The following BAP1 variants were observed in gnomAD, a reference collection of about 807,000 sequenced individuals.
The protein encoded by BAP1 is BRCA1 associated deubiquitinase 1, also known as ubiquitin carboxyl-terminal hydrolase BAP1.
In BAP1, 16 loss-of-function variants were observed where a neutral mutation model predicts 77.2. The observed-to-expected ratio is 0.21, with a 90% CI of 0.14 to 0.31. BAP1 has a LOEUF of 0.31. Among genes scored for constraint, BAP1 ranks in the 10% least tolerant of loss-of-function variants. The probability of loss-of-function intolerance (pLI) is 1.00; values close to 1 mark genes in which losing one functional copy is unlikely to be tolerated. For synonymous variants in BAP1, 362 were observed against 385.2 expected (o/e 0.94, Z 0.71); for missense variants, 699 against 967.3 (o/e 0.72, Z 3.68).
In BAP1 at chr3:52,403,880, C is replaced by G; in HGVS notation, c.1265G>C (p.Gly422Ala). Residue 422 changes from glycine (G) to alanine (A), a missense_variant, in exon 13 of 17, where the codon GGA becomes GCA. Around this residue, in one of 3 missense-constraint regions of BAP1, gnomAD observed 475 missense variants for 532.4 expected, o/e 0.89. Transcript: ENST00000460680. This position sits in a 1 kb window ranked among gnomAD's most constrained non-coding sequence, Gnocchi z 4.0. ...TNSALRYKGK[G>A]TGKPGALSGS... ...GCTCAATGCCCCTGGCTTCCCTGTT[C>G]CCTTCCCCTTATACCTGTGGGGCCC... is the stretch of plus-strand genomic sequence containing the variant. The G allele has an allele frequency of 6.2e-7, 1 of 1,614,086 alleles. No individual in the cohort carries two copies. The highest frequency in any genetic ancestry group is 8.5e-7 in the Non-Finnish European group (1 of 1,180,028).
chr3:52,409,775 G>A (rs565532102), intron 1 of BAP1, 32 bp from the exon 2 acceptor site: 3 of 1,613,486 alleles, frequency 1.9e-6, no homozygotes, highest in South Asian at 1.1e-5. Flanking sequence ...GGGGGTGATG[G>A]TCAGGCAGGC....
rs754425236 is a variant in BAP1 at position 52,402,694 on chromosome 3, TGA to T, written c.1984-22_1984-21del. On this transcript the variant is annotated intron_variant, in intron 15 of 16. Transcript: ENST00000460680. The surrounding 1 kb of genome is among the most constrained non-coding windows in gnomAD (Gnocchi z 5.3). The stretch of plus-strand genomic sequence containing the variant: ...ATCAATCTGTAGGAGAGAAGAAGAC[TGA>T]GAGCACTGGAGCCAATCTTGCCAGA... The T allele has an allele frequency of 8.1e-6, 13 of 1,613,962 alleles. No homozygotes were observed. In the Admixed American group the frequency reaches 1.0e-4, roughly 12 times the overall value.
At chr3:52,408,413 C>T (rs755138506) in intron 4 of BAP1, 61 bp downstream of exon 4, 1 of 1,590,082 alleles carries the variant, frequency 6.3e-7, no homozygotes, top group Non-Finnish European at 8.6e-7. Context: ...TCCATTTCCA[C>T]TTCCCAAGCA....
intron 12 of BAP1, among the ~76,000 whole-genome samples, chr3:52,404,112 C>T (rs1705068373): frequency 6.6e-6 from 1 of 152,226 alleles, no homozygotes; most frequent in African/African-American, 2.4e-5. Flanking sequence ...TTCCAGCCAT[C>T]CCACTCCTGG....
In BAP1 at chr3:52,403,516, G is replaced by A. The variant is rs747971455; in HGVS notation, c.1629C>T (p.Cys543=). ...GEDDSLLRVD[C]IRYNRAVRDL... ...CACGGACAGCACGGTTGTAGCGTAT[G>A]CAGTCAACACGCAGCAGGCTGTCAT... Residue 543 remains cysteine (C), a synonymous_variant, in exon 13 of 17, where the codon TGC becomes TGT. Coordinates refer to ENST00000460680, the MANE Select transcript of BAP1 (RefSeq NM_004656.4). The surrounding 1 kb of genome is among the most constrained non-coding windows in gnomAD (Gnocchi z 4.0). 2.5e-5 allele frequency: 40 copies of A among 1,614,060 alleles called. No individual in the cohort carries two copies. The South Asian group carries it at 4.1e-4, about 16-fold the overall frequency.
rs370802797 is a variant in BAP1 at position 52,404,627 on chromosome 3, G to C, written c.1117-41C>G. 55 of 1,596,002 alleles carry C rather than the reference G, an allele frequency of 3.4e-5. 1 individual carries two copies. The Middle Eastern group carries it at 1.2e-3, about 34-fold the overall frequency. ...GGGCAGTTACAAACAAGTGCTGCTC[G>C]GCCCAGGCTGAGCCTAGACACTCAC... is the stretch of plus-strand genomic sequence containing the variant. On this transcript the variant is annotated intron_variant, in intron 11 of 16. Coordinates refer to ENST00000460680, the MANE Select transcript of BAP1 (RefSeq NM_004656.4).
chr3:52,405,653 A>C, intron 10 of BAP1, 112 bp downstream of exon 10: 3 of 1,501,442 alleles, frequency 2.0e-6, no homozygotes, highest in Non-Finnish European at 2.7e-6. Context: ...TGACGGGGGA[A>C]GAACACTGCC....
At position 52,409,956 on chromosome 3, in the gene BAP1, C is replaced by T. The variant is rs946441698; in HGVS notation, c.-78G>A. On this transcript the variant is annotated 5_prime_UTR_variant, in exon 1 of 17. Transcript: ENST00000460680. ...CTGCCCCCACCGGGAGCCCCCACCG[C>T]CCCCGGGGCCCCTCAGTCCCACACA... The T allele has an allele frequency of 7.1e-6, 11 of 1,545,196 alleles. No homozygotes were observed. The highest frequency in any genetic ancestry group is 2.7e-5 in the African/African-American group (2 of 73,570).
In BAP1 at chr3:52,406,684, A is replaced by C; in HGVS notation, c.659+145T>G. 4 of 1,078,836 alleles carry C rather than the reference A, an allele frequency of 3.7e-6. No homozygotes were observed. In the Admixed American group the frequency reaches 8.2e-5, roughly 22 times the overall value. 66.8% of individuals were successfully genotyped at this position (1,078,836 alleles called of 1,614,324 possible). A position where few individuals can be genotyped will look rare whatever the true frequency, so the allele number is the denominator to read the frequency against. On this transcript the variant is annotated intron_variant, in intron 8 of 16. Coordinates refer to ENST00000460680, the MANE Select transcript of BAP1 (RefSeq NM_004656.4). The surrounding 1 kb of genome is among the most constrained non-coding windows in gnomAD (Gnocchi z 4.6). Reference sequence around the variant, plus strand: ...GGCAGCCCAGGCAGGAAATAAGACAACAAGTTGAGAACCCATGATCTAAGC... The same window carrying C: ...GGCAGCCCAGGCAGGAAATAAGACACCAAGTTGAGAACCCATGATCTAAGC...
chr3:52,401,421 A>T lies in BAP1; in HGVS notation c.*867T>A, dbSNP rs1249962541. On this transcript the variant is annotated 3_prime_UTR_variant, in exon 17 of 17. Transcript: ENST00000460680. ...CTACCCCTGAGAGGGAGACATGGTAATACTGAGGGGCTGGACAGAGGCTCT... is the reference window on the plus strand; with the variant it reads ...CTACCCCTGAGAGGGAGACATGGTATTACTGAGGGGCTGGACAGAGGCTCT... 1 of 233,468 alleles carries T rather than the reference A, an allele frequency of 4.3e-6. No individual in the cohort carries two copies. The highest frequency in any genetic ancestry group is 8.5e-6 in the Non-Finnish European group (1 of 117,980). The allele number at this position is 233,468 out of a possible 1,614,324, so 14.5% of individuals were successfully genotyped here.
At chr3:52,404,645 ACACT>A (rs1185040366) in intron 11 of BAP1, 59 bp from the exon 12 acceptor site, 5 of 1,576,086 alleles carry the variant, frequency 3.2e-6, no homozygotes, top group Non-Finnish European at 4.3e-6. Flanking sequence ...CTGAGCCTAG[ACACT>A]CACAGCCAGA....
rs1418845673 is a variant in BAP1 at position 52,403,780 on chromosome 3, G to A, written c.1365C>T (p.Ser455=). The A allele has an allele frequency of 3.7e-6, 6 of 1,614,072 alleles. No homozygotes were observed. The highest frequency in any genetic ancestry group is 5.1e-6 in the Non-Finnish European group (6 of 1,180,020). ...ACAGAGGAATTGAGAGGTCCTTCTGGGACTCTTTGAGCTTCTCAGCCAAGA... is the reference window on the plus strand; with the variant it reads ...ACAGAGGAATTGAGAGGTCCTTCTGAGACTCTTTGAGCTTCTCAGCCAAGA... ...INVLAEKLKE[S]QKDLSIPLSI... The change falls in exon 13 of 17, where the codon TCC becomes TCT. Residue 455 remains serine, a synonymous_variant. Coordinates refer to ENST00000460680, the MANE Select transcript of BAP1 (RefSeq NM_004656.4). This position sits in a 1 kb window ranked among gnomAD's most constrained non-coding sequence, Gnocchi z 4.0.
In BAP1 at chr3:52,404,482, A is replaced by C. The variant is rs1028053412; in HGVS notation, c.1221T>G (p.Asp407Glu). 6.2e-7 allele frequency: 1 copy of C among 1,614,212 alleles called. No homozygotes were observed. Residue 407 changes from aspartate (D) to glutamate (E), a missense_variant, in exon 12 of 17, where the codon GAT becomes GAG. By Grantham distance (45) the Asp-to-Glu change is conservative. Around this residue, in one of 3 missense-constraint regions of BAP1, gnomAD observed 475 missense variants for 532.4 expected, o/e 0.89. Transcript: ENST00000460680. ...DEDDYEDDEE[D>E]DVQNTNSALR... ...GGGCAGAGTTGGTGTTCTGCACGTC[A>C]TCCTCCTCGTCATCCTCATAGTCAT...
In BAP1 at chr3:52,403,898, TG is replaced by T; in HGVS notation, c.1251-5del. 6.2e-7 allele frequency: 1 copy of T among 1,613,592 alleles called. No individual in the cohort carries two copies. The stretch of plus-strand genomic sequence containing the variant: ...CCCTGTTCCCTTCCCCTTATACCTG[TG>T]GGGCCCGAGAAGATGTGAAGCAAGG... On this transcript the variant is annotated splice_polypyrimidine_tract_variant and splice_region_variant and intron_variant, in intron 12 of 16. Coordinates refer to ENST00000460680, the MANE Select transcript of BAP1 (RefSeq NM_004656.4). This position sits in a 1 kb window ranked among gnomAD's most constrained non-coding sequence, Gnocchi z 4.0.
At position 52,402,236 on chromosome 3, in the gene BAP1, C is replaced by G; in HGVS notation, c.*52G>C. The G allele has an allele frequency of 1.3e-6, 2 of 1,584,514 alleles. No individual in the cohort carries two copies. Among genetic ancestry groups the G allele is most frequent in the Non-Finnish European group, 8.6e-7 (1 of 1,167,800 alleles). On this transcript the variant is annotated 3_prime_UTR_variant, in exon 17 of 17. Coordinates refer to ENST00000460680, the MANE Select transcript of BAP1 (RefSeq NM_004656.4). The surrounding 1 kb of genome is among the most constrained non-coding windows in gnomAD (Gnocchi z 5.3). Reference sequence around the variant, plus strand: ...AGGGGAAGTGGGGCAGGGAAGGACCCTGGTGAGGGCCACACGGCAAGAGTG... The same window carrying G: ...AGGGGAAGTGGGGCAGGGAAGGACCGTGGTGAGGGCCACACGGCAAGAGTG...
chr3:52,405,509 A>C (rs1274658038), intron 10 of BAP1: 7 of 617,144 alleles, frequency 1.1e-5, no homozygotes, highest in Middle Eastern at 4.7e-4. Flanking sequence ...AAAAAAAAAA[A>C]AAAAAAAAAA....
rs761091762 is a variant in BAP1 at position 52,402,764 on chromosome 3, G to A, written c.1983+15C>T. The A allele has an allele frequency of 2.5e-6, 4 of 1,614,096 alleles. No individual in the cohort carries two copies. The East Asian group carries it at 6.7e-5, about 27-fold the overall frequency. On this transcript the variant is annotated intron_variant, in intron 15 of 16. Coordinates refer to ENST00000460680, the MANE Select transcript of BAP1 (RefSeq NM_004656.4). The surrounding 1 kb of genome is among the most constrained non-coding windows in gnomAD (Gnocchi z 5.3). ...TCGGGAGAGGCCAGATCAGGCAACT[G>A]GAGAAATCACCCACCTTGAACTTCT...
Position 52,409,922 on chromosome 3 carries a change from T to C in BAP1, c.-44A>G, listed in dbSNP as rs1246318466. On this transcript the variant is annotated 5_prime_UTR_variant, in exon 1 of 17. Coordinates refer to ENST00000460680, the MANE Select transcript of BAP1 (RefSeq NM_004656.4). ...CTCAGCGCCATGTCCAGGCCCTCCCTCCCCACCGCTGCCCCCACCGGGAGC... is the reference window on the plus strand; with the variant it reads ...CTCAGCGCCATGTCCAGGCCCTCCCCCCCCACCGCTGCCCCCACCGGGAGC... The C allele has an allele frequency of 2.5e-6, 4 of 1,596,040 alleles. No individual in the cohort carries two copies. In the African/African-American group the frequency reaches 5.4e-5, roughly 21 times the overall value.
chr3:52,405,639 C>G (rs1309333895), intron 10 of BAP1, 126 bp downstream of exon 10: 6 of 1,452,820 alleles, frequency 4.1e-6, no homozygotes, highest in Non-Finnish European at 5.6e-6. Context: ...CTCCCTCTAC[C>G]TTCTGACGGG....
Sources: allele counts gnomAD v4.1 joint callset (sites outside exome capture counted in the v4.1 genomes callset), GRCh38; gene constraint gnomAD v4.1.1; regional missense constraint gnomAD v4.1.1; non-coding constraint Gnocchi (gnomAD v3.1); transcripts MANE v1.5; gene names NCBI Gene and HGNC (gene_info 2026-07-23, HGNC 2026-07-21).